Variants in ASTN2 observed in about 807,000 individuals in gnomAD.
ASTN2 encodes astrotactin-2.
ASTN2 carries 54 observed loss-of-function variants against 139.8 expected under a neutral mutation model. The observed-to-expected ratio is 0.39, with a 90% CI of 0.31 to 0.48. ASTN2 has a LOEUF of 0.48. ASTN2 is among the 20% of genes least tolerant of loss of function. The pLI, the probability that ASTN2 is intolerant of heterozygous loss-of-function variation, is 0.95. For synonymous variants in ASTN2, 756 were observed against 719.5 expected, an observed-to-expected ratio of 1.05 and a Z score of -0.81; for missense variants, 1,565 against 1,725.1, an observed-to-expected ratio of 0.91 and a Z score of 1.64.
At chr9:116,751,004 A>G (rs1829384135) in intron 13 of ASTN2, among the ~76,000 whole-genome samples, 1 of 152,218 alleles carries the variant, frequency 6.6e-6, no homozygotes, top group Non-Finnish European at 1.5e-5. Flanking sequence ...GATACTGGTT[A>G]TGTTGCCATA....
chr9:116,862,775 G>A (rs1408089816), intron 11 of ASTN2, among the ~76,000 whole-genome samples: 2 of 150,088 alleles, frequency 1.3e-5, no homozygotes, highest in African/African-American at 4.9e-5. Context: ...TGTTTCCCAA[G>A]TGTATTTTCA....
intron 3 of ASTN2, among the ~76,000 whole-genome samples, chr9:117,165,546 C>T (rs929064436): frequency 1.6e-4 from 24 of 152,068 alleles, no homozygotes; most frequent in Non-Finnish European, 2.1e-4. Flanking sequence ...CTGCGCAGCA[C>T]GGAAGTCCAA....
chr9:117,273,856 A>T (rs1213925879), intron 2 of ASTN2, among the ~76,000 whole-genome samples: 2 of 152,188 alleles, frequency 1.3e-5, no homozygotes, highest in South Asian at 4.1e-4. Context: ...TATCAAACCA[A>T]TTGACCTCCT....
chr9:116,606,051 C>T (rs1047503399), intron 19 of ASTN2, among the ~76,000 whole-genome samples: 11 of 152,102 alleles, frequency 7.2e-5, no homozygotes, highest in Admixed American at 7.2e-4. Context: ...GCTTCTTACT[C>T]CCACATCTAC....
chr9:116,751,165 T>C (rs1310626594), intron 13 of ASTN2, among the ~76,000 whole-genome samples: 1 of 152,188 alleles, frequency 6.6e-6, no homozygotes, highest in Non-Finnish European at 1.5e-5. Flanking sequence ...ACTCATAAAA[T>C]GAGGACCGTA....
At chr9:117,188,811 G>A (rs1419857142) in intron 3 of ASTN2, among the ~76,000 whole-genome samples, 2 of 152,202 alleles carry the variant, frequency 1.3e-5, no homozygotes, top group African/African-American at 4.8e-5. Flanking sequence ...GCTACTGACT[G>A]TAAAAGCATC....
intron 5 of ASTN2, among the ~76,000 whole-genome samples, chr9:117,089,193 T>C (rs1828641543): frequency 6.6e-6 from 1 of 152,200 alleles, no homozygotes; most frequent in African/African-American, 2.4e-5. Context: ...AATATCCTTG[T>C]ATGACAATAA....
At chr9:117,056,377 TC>T (rs1270341905) in intron 5 of ASTN2, among the ~76,000 whole-genome samples, 1 of 152,154 alleles carries the variant, frequency 6.6e-6, no homozygotes, top group African/African-American at 2.4e-5. Flanking sequence ...AGAAGAGACT[TC>T]CATTCATCTA....
intron 13 of ASTN2, among the ~76,000 whole-genome samples, chr9:116,738,060 C>T (rs1170194510): frequency 1.2e-4 from 18 of 151,280 alleles, no homozygotes; most frequent in African/African-American, 3.9e-4. Flanking sequence ...GGCGTGGTAG[C>T]GGGCGCCTGT....
chr9:116,837,839 A>T (rs900065761), intron 11 of ASTN2, among the ~76,000 whole-genome samples: 1 of 152,156 alleles, frequency 6.6e-6, no homozygotes, highest in African/African-American at 2.4e-5. Context: ...TCAGTGTGGC[A>T]ATTTCATTCT....
rs115238720 is a variant in ASTN2, at chr9:116,515,489, C to A, written c.3356-27989G>T. Among the ~76,000 whole-genome samples the A allele has an allele frequency of 4.4e-3, 672 of 152,228 alleles. 3 individuals are homozygous for A. The highest frequency in any genetic ancestry group is 0.016 in the African/African-American group (648 of 41,534). ...TTGCAAGCCATTCTTTGATCAGGAC[C>A]AGGTTGCCATCTTGCTACTGTCCTG... On this transcript the variant is annotated intron_variant, in intron 19 of 22. Transcript: ENST00000313400.
At chr9:116,857,588 A>G (rs1320517373) in intron 11 of ASTN2, among the ~76,000 whole-genome samples, 2 of 152,174 alleles carry the variant, frequency 1.3e-5, no homozygotes, top group Middle Eastern at 3.2e-3. Context: ...GGAATGTGAA[A>G]CTGGAAGGGA....
At chr9:116,531,075 G>A (rs975762821) in intron 19 of ASTN2, among the ~76,000 whole-genome samples, 11 of 152,162 alleles carry the variant, frequency 7.2e-5, no homozygotes, top group African/African-American at 2.7e-4. Flanking sequence ...ATTAATGTAA[G>A]CTGAGACACG....
Position 116,863,572 on chromosome 9 carries a change from T to C in ASTN2, c.2040+11A>G. 1 of 1,613,344 alleles carries C rather than the reference T, an allele frequency of 6.2e-7. No homozygotes were observed. Among genetic ancestry groups the C allele is most frequent in the South Asian group, 1.1e-5 (1 of 90,966 alleles). On this transcript the variant is annotated intron_variant, in intron 11 of 22. Transcript: ENST00000313400. ...GGCCACTGCCATGTTCCCGGGCCAATGGGCACTTACCACACATCCCGAGGA... is the reference window on the plus strand; with the variant it reads ...GGCCACTGCCATGTTCCCGGGCCAACGGGCACTTACCACACATCCCGAGGA...
rs150432264 is a variant in ASTN2, at chr9:116,639,386, C to T, written c.3072+12142G>A. On this transcript the variant is annotated intron_variant, in intron 17 of 22. Coordinates refer to ENST00000313400, the MANE Select transcript of ASTN2 (RefSeq NM_001365068.1). ...CTGACCATCTGTGTAATGGTACAAA[C>T]TCATGCTGCTTTCAACTGCATATGC... is the stretch of plus-strand genomic sequence containing the variant. Among the ~76,000 whole-genome samples the T allele has an allele frequency of 1.4e-4, 21 of 152,312 alleles. No homozygotes were observed. In the East Asian group the frequency reaches 4.1e-3, roughly 29 times the overall value.
At chr9:116,529,226 C>G (rs1279944326) in intron 19 of ASTN2, among the ~76,000 whole-genome samples, 1 of 152,134 alleles carries the variant, frequency 6.6e-6, no homozygotes. Flanking sequence ...TACCCGAGGC[C>G]TTGGGAGCCC....
intron 20 of ASTN2, among the ~76,000 whole-genome samples, chr9:116,485,518 C>T (rs983996497): frequency 2.0e-5 from 3 of 152,214 alleles, no homozygotes; most frequent in Admixed American, 6.5e-5. Flanking sequence ...GCAGTTGTCC[C>T]AGAGCCCAAG....
At chr9:117,350,648 A>G (rs1829360149) in intron 1 of ASTN2, among the ~76,000 whole-genome samples, 1 of 152,142 alleles carries the variant, frequency 6.6e-6, no homozygotes, top group African/African-American at 2.4e-5. Context: ...GTCCAGAATG[A>G]GAGAAAATGT....
chr9:117,274,194 C>G (rs1184159168), intron 2 of ASTN2, among the ~76,000 whole-genome samples: 1 of 152,012 alleles, frequency 6.6e-6, no homozygotes, highest in Non-Finnish European at 1.5e-5. Context: ...ACTAAAAATA[C>G]AAAAAAATAG....
Sources: allele counts gnomAD v4.1 joint callset (sites outside exome capture counted in the v4.1 genomes callset), GRCh38; gene constraint gnomAD v4.1.1; transcripts MANE v1.5; gene names NCBI Gene and HGNC (gene_info 2026-07-23, HGNC 2026-07-21).